UTS2B: variants seen among roughly 807,000 people sequenced by gnomAD.
UTS2B encodes the protein urotensin-2B.
UTS2B carries 21 observed loss-of-function variants against 19.2 expected under a neutral mutation model. The observed-to-expected ratio is 1.09, with a 90% CI of 0.78 to 1.58. UTS2B has a LOEUF of 1.58. Ranked by LOEUF, UTS2B falls within the 40% of genes most tolerant of loss-of-function variation. UTS2B has a pLI of 0.00. For missense variants in UTS2B, 138 were observed against 130.3 expected, an observed-to-expected ratio of 1.06 and a Z score of -0.29; for synonymous variants, 57 against 50.2, an observed-to-expected ratio of 1.14 and a Z score of -0.58.
At chr3:191,299,329 C>G (rs4687208) in intron 4 of UTS2B, among the ~76,000 whole-genome samples, 41,129 of 152,214 alleles carry the variant, frequency 0.27, 6,320 homozygotes, top group African/African-American at 0.41. Context: ...GCCCAGAGGT[C>G]TAGGACGGAA....
intron 4 of UTS2B, among the ~76,000 whole-genome samples, chr3:191,295,162 C>T (rs554956209): frequency 6.6e-6 from 1 of 152,086 alleles, no homozygotes; most frequent in African/African-American, 2.4e-5. Flanking sequence ...CCATTCAGGC[C>T]AAACTTCCTA....
chr3:191,291,879 A>G (rs1489966503), intron 4 of UTS2B, among the ~76,000 whole-genome samples: 1 of 152,116 alleles, frequency 6.6e-6, no homozygotes, highest in Non-Finnish European at 1.5e-5. Context: ...TCTTTCCCCC[A>G]TGAATGGTCT....
chr3:191,303,688 T>A (rs1717060771), intron 4 of UTS2B, among the ~76,000 whole-genome samples: 1 of 152,246 alleles, frequency 6.6e-6, no homozygotes, highest in Admixed American at 6.5e-5. Context: ...TAATCTATGA[T>A]GCACTACTCA....
chr3:191,268,816 A>G lies in UTS2B; in HGVS notation c.335-375T>C, dbSNP rs76052676. On this transcript the variant is annotated intron_variant, in intron 8 of 8. Coordinates refer to ENST00000340524, the MANE Select transcript of UTS2B (RefSeq NM_198152.5). Reference sequence around the variant, plus strand: ...CCTATGAGATTCATCCCTCTATTTTACACTTGAGGTAACTGATATACCAAA... The same window carrying G: ...CCTATGAGATTCATCCCTCTATTTTGCACTTGAGGTAACTGATATACCAAA... Among the ~76,000 whole-genome samples the G allele has an allele frequency of 6.2e-3, 939 of 152,340 alleles. 11 individuals carry two copies. Among genetic ancestry groups the G allele is most frequent in the African/African-American group, 0.02 (843 of 41,574 alleles).
the UTS2B span, among the ~76,000 whole-genome samples, chr3:191,339,127 G>A: frequency 2.6e-5 from 4 of 152,040 alleles, no homozygotes; most frequent in Admixed American, 2.0e-4. Context: ...GTTTTGGGTT[G>A]GAAACAATGA....
At chr3:191,290,177 A>C (rs1334358037) in intron 4 of UTS2B, among the ~76,000 whole-genome samples, 4 of 152,176 alleles carry the variant, frequency 2.6e-5, no homozygotes, top group African/African-American at 4.8e-5. Context: ...CTTTAATTAA[A>C]TCTTTTATCT....
At chr3:191,273,871 G>C (rs1017241985) in intron 8 of UTS2B, among the ~76,000 whole-genome samples, 1 of 152,248 alleles carries the variant, frequency 6.6e-6, no homozygotes, top group East Asian at 1.9e-4. Context: ...AGCACATTTT[G>C]TTGACTTTTA....
At chr3:191,306,687 G>A (rs916901280) in intron 3 of UTS2B, among the ~76,000 whole-genome samples, 6 of 152,206 alleles carry the variant, frequency 3.9e-5, no homozygotes, top group Non-Finnish European at 8.8e-5. Context: ...AGGCTGGAGT[G>A]CAATGGCAAG....
rs889447858 is a variant in UTS2B at position 191,268,277 on chromosome 3, A to G, written c.*139T>C. 5 of 650,638 alleles carry G rather than the reference A, an allele frequency of 7.7e-6. No homozygotes were observed. The African/African-American group carries it at 9.3e-5, about 12-fold the overall frequency. 40.3% of individuals were successfully genotyped at this position (650,638 alleles called of 1,614,324 possible). On this transcript the variant is annotated 3_prime_UTR_variant, in exon 9 of 9. Coordinates refer to ENST00000340524, the MANE Select transcript of UTS2B (RefSeq NM_198152.5). ...TTGTCTTTACACAATCCCGCATGCA[A>G]TTTTGTATTTACAATAATCAGGAGC...
chr3:191,279,875 G>A (rs1716337377), intron 5 of UTS2B, among the ~76,000 whole-genome samples: 1 of 150,558 alleles, frequency 6.6e-6, no homozygotes, highest in South Asian at 2.1e-4. Flanking sequence ...TTTGTTTCTT[G>A]TTTTCATACT....
upstream of UTS2B, among the ~76,000 whole-genome samples, chr3:191,334,240 T>C (rs1031671668): frequency 2.6e-5 from 4 of 152,130 alleles, no homozygotes; most frequent in Non-Finnish European, 5.9e-5. Context: ...TGCATGGAGT[T>C]GTTGAAAGAA....
At chr3:191,333,897 G>A (rs1379735126), upstream of UTS2B, among the ~76,000 whole-genome samples, 2 of 151,906 alleles carry the variant, frequency 1.3e-5, no homozygotes, top group Non-Finnish European at 2.9e-5. Flanking sequence ...GGTATGTCTT[G>A]TAAATAGAAT....
chr3:191,331,753 A>G (rs147920200), upstream of UTS2B, among the ~76,000 whole-genome samples: 895 of 152,296 alleles, frequency 5.9e-3, 5 homozygotes, highest in Admixed American at 0.011. Flanking sequence ...ATCCTTCCCT[A>G]ATATAACTCT....
intron 4 of UTS2B, among the ~76,000 whole-genome samples, chr3:191,293,189 T>C (rs116407802): frequency 9.6e-4 from 131 of 135,930 alleles, no homozygotes; most frequent in African/African-American, 3.7e-3. Context: ...CATCTATATT[T>C]ATAAGAGATG....
intron 2 of UTS2B, among the ~76,000 whole-genome samples, chr3:191,324,893 G>A (rs1717704457): frequency 6.6e-6 from 1 of 151,774 alleles, no homozygotes; most frequent in Non-Finnish European, 1.5e-5. Context: ...TACTAAATAT[G>A]CAAAAAATTT....
intron 4 of UTS2B, among the ~76,000 whole-genome samples, chr3:191,289,166 T>C (rs1033161911): frequency 6.6e-6 from 1 of 152,062 alleles, no homozygotes; most frequent in African/African-American, 2.4e-5. Context: ...TCCCAGCACT[T>C]TGGGAGACCG....
chr3:191,307,629 C>T (rs1453007818), intron 3 of UTS2B, among the ~76,000 whole-genome samples: 1 of 152,062 alleles, frequency 6.6e-6, no homozygotes, highest in Non-Finnish European at 1.5e-5. Flanking sequence ...TGTTTTGTAA[C>T]TGACTAGTCT....
chr3:191,268,583 G>A, intron 8 of UTS2B, 142 bp from the exon 9 acceptor site: 1 of 550,412 alleles, frequency 1.8e-6, no homozygotes, highest in East Asian at 3.1e-5. Flanking sequence ...AGCCTCATGT[G>A]GATCTTTAAG....
intron 2 of UTS2B, among the ~76,000 whole-genome samples, chr3:191,324,114 T>C (rs1237549853): frequency 1.3e-5 from 2 of 152,126 alleles, no homozygotes; most frequent in Non-Finnish European, 2.9e-5. Context: ...TAATGGGTTC[T>C]CATTGGAGTG....
Sources: allele counts gnomAD v4.1 joint callset (sites outside exome capture counted in the v4.1 genomes callset), GRCh38; gene constraint gnomAD v4.1.1; transcripts MANE v1.5; gene names NCBI Gene and HGNC (gene_info 2026-07-23, HGNC 2026-07-21).